RIC8B: variants seen among roughly 807,000 people sequenced by gnomAD.
The protein encoded by RIC8B is RIC8 guanine nucleotide exchange factor B.
RIC8B carries 16 observed loss-of-function variants against 57.5 expected under a neutral mutation model. The ratio of observed to expected loss-of-function variants is 0.28; its 90% CI spans 0.19 to 0.42. The LOEUF (loss-of-function observed/expected upper bound fraction) is 0.42, where lower values mean the gene tolerates loss of function less well. Ranked by LOEUF, RIC8B falls within the 10% of genes least tolerant of loss-of-function variation. RIC8B has a pLI of 1.00. For synonymous variants in RIC8B, 216 were observed against 250.8 expected, an observed-to-expected ratio of 0.86 and a Z score of 1.31; for missense variants, 481 against 677.0, an observed-to-expected ratio of 0.71 and a Z score of 3.21.
chr12:106,809,673 T>G (rs1430624210), intron 2 of RIC8B, among the ~76,000 whole-genome samples: 1 of 150,318 alleles, frequency 6.7e-6, no homozygotes, highest in Non-Finnish European at 1.5e-5. Context: ...ACCTGAAATC[T>G]CCAAAATTTG....
At chr12:106,831,553 A>T (rs10778511) in intron 4 of RIC8B, among the ~76,000 whole-genome samples, 36,020 of 152,038 alleles carry the variant, frequency 0.24, 4,285 homozygotes, top group East Asian at 0.32. Context: ...GCCTGGCAAC[A>T]TGGTGTAGGG....
chr12:106,830,719 A>C (rs2046318010), intron 4 of RIC8B, among the ~76,000 whole-genome samples: 2 of 152,194 alleles, frequency 1.3e-5, no homozygotes, highest in South Asian at 4.1e-4. Context: ...TGGAGACTAA[A>C]TTCCCAGACT....
At chr12:106,795,355 C>T (rs750657803) in intron 2 of RIC8B, among the ~76,000 whole-genome samples, 1 of 151,910 alleles carries the variant, frequency 6.6e-6, no homozygotes, top group Non-Finnish European at 1.5e-5. Context: ...AGTTTAGGAG[C>T]GGAGGTCTAA....
intron 2 of RIC8B, among the ~76,000 whole-genome samples, chr12:106,793,152 C>T (rs558367175): frequency 2.6e-5 from 4 of 152,242 alleles, no homozygotes; most frequent in Admixed American, 6.5e-5. Flanking sequence ...ATCCTGGTGG[C>T]GGAACATGGT....
chr12:106,812,812 T>C (rs2045396041), intron 2 of RIC8B, among the ~76,000 whole-genome samples: 1 of 152,222 alleles, frequency 6.6e-6, no homozygotes, highest in Non-Finnish European at 1.5e-5. Context: ...AAAAAAGTGC[T>C]TTAACAATGA....
chr12:106,883,270 TCTC>T (rs1176483133), intron 9 of RIC8B, among the ~76,000 whole-genome samples: 1 of 152,154 alleles, frequency 6.6e-6, no homozygotes, highest in Non-Finnish European at 1.5e-5. Flanking sequence ...TTCTCCCTCT[TCTC>T]CTTTTGCTTC....
intron 4 of RIC8B, among the ~76,000 whole-genome samples, chr12:106,827,042 T>C (rs1439698956): frequency 6.6e-6 from 1 of 152,122 alleles, no homozygotes; most frequent in East Asian, 1.9e-4. Flanking sequence ...GCCACTGTAC[T>C]CCAGCCTGGG....
intron 8 of RIC8B, among the ~76,000 whole-genome samples, chr12:106,869,912 G>A (rs143604235): frequency 5.9e-5 from 9 of 152,298 alleles, no homozygotes; most frequent in Admixed American, 4.6e-4. Context: ...GCACTCCAAC[G>A]TGGGTGACAG....
At chr12:106,835,698 A>T (rs994646894) in intron 4 of RIC8B, among the ~76,000 whole-genome samples, 1 of 152,218 alleles carries the variant, frequency 6.6e-6, no homozygotes, top group African/African-American at 2.4e-5. Context: ...AGCAAATATT[A>T]TATTTGTTGA....
Position 106,884,177 on chromosome 12 carries a change from C to T in RIC8B, c.1572-1727C>T, listed in dbSNP as rs76051144. ...GTCAGTGCTTCATCTCAGGAGCTGC[C>T]TCACTTCTTTGTTCATAATTCTCTT... On this transcript the variant is annotated intron_variant, in intron 9 of 9. Coordinates refer to ENST00000392837, the MANE Select transcript of RIC8B (RefSeq NM_001330145.2). 3.6e-3 allele frequency among the ~76,000 whole-genome samples: 541 copies of T among 152,358 alleles called. 4 individuals are homozygous for T. The highest frequency in any genetic ancestry group is 0.013 in the African/African-American group (522 of 41,574).
Position 106,814,876 on chromosome 12 carries a change from T to A in RIC8B, c.313T>A (p.Leu105Met). 6.2e-7 allele frequency: 1 copy of A among 1,614,182 alleles called. No homozygotes were observed. Among genetic ancestry groups the A allele is most frequent in the Non-Finnish European group, 8.5e-7 (1 of 1,180,008 alleles). Reference sequence around the variant, plus strand: ...CAAGCTAAATGAGTTAGATGATTCTTTGGAGAAAGTATCAGAGTTCCCAGT... The same window carrying A: ...CAAGCTAAATGAGTTAGATGATTCTATGGAGAAAGTATCAGAGTTCCCAGT... Reference protein sequence around the residue: ...LAKLNELDDSLEKVSEFPVIV... With the variant: ...LAKLNELDDSMEKVSEFPVIV... The change falls in exon 3 of 10, where the codon TTG (leucine) becomes ATG (methionine). Residue 105 changes from leucine (L) to methionine (M), a missense_variant. Leu to Met is a conservative substitution (Grantham distance 15). Around this residue, in one of 3 missense-constraint regions of RIC8B, gnomAD observed 421 missense variants for 560.9 expected, o/e 0.75. Coordinates refer to ENST00000392837, the MANE Select transcript of RIC8B (RefSeq NM_001330145.2).
At chr12:106,870,255 G>A (rs1275089842) in intron 8 of RIC8B, among the ~76,000 whole-genome samples, 3 of 151,774 alleles carry the variant, frequency 2.0e-5, no homozygotes, top group Non-Finnish European at 4.4e-5. Flanking sequence ...TTTTGTCTAG[G>A]CCAGATCAAA....
chr12:106,886,251 T>A lies in RIC8B; in HGVS notation c.*236T>A, dbSNP rs1294300136. 2 of 431,076 alleles carry A rather than the reference T, an allele frequency of 4.6e-6. No individual in the cohort carries two copies. Among genetic ancestry groups the A allele is most frequent in the East Asian group, 3.8e-5 (1 of 26,546 alleles). The allele number at this position is 431,076 out of a possible 1,614,324, so 26.7% of individuals were successfully genotyped here. A position where few individuals can be genotyped will look rare whatever the true frequency, so the allele number is the denominator to read the frequency against. ...ACGGGGGCTAAAAGCAGAAAAAAAA[T>A]TCCATTTCATCGGGATGGAACTGAA... On this transcript the variant is annotated 3_prime_UTR_variant, in exon 10 of 10. Coordinates refer to ENST00000392837, the MANE Select transcript of RIC8B (RefSeq NM_001330145.2).
At chr12:106,796,608 AAATCTTCAT>A (rs2136213749) in intron 2 of RIC8B, among the ~76,000 whole-genome samples, 1 of 152,370 alleles carries the variant, frequency 6.6e-6, no homozygotes, top group African/African-American at 2.4e-5. Flanking sequence ...ACATAAAGGT[AAATCTTCAT>A]GTCCCTGGAT....
chr12:106,873,374 C>T (rs1326077991), intron 9 of RIC8B, among the ~76,000 whole-genome samples: 1 of 152,144 alleles, frequency 6.6e-6, no homozygotes, highest in African/African-American at 2.4e-5. Context: ...TCACTAAATA[C>T]AATCAATGAC....
intron 4 of RIC8B, among the ~76,000 whole-genome samples, chr12:106,831,519 T>C (rs1029658339): frequency 6.6e-6 from 1 of 152,186 alleles, no homozygotes; most frequent in Non-Finnish European, 1.5e-5. Context: ...TTTTACTTAG[T>C]TTTTATTATG....
intron 4 of RIC8B, among the ~76,000 whole-genome samples, chr12:106,828,441 A>T (rs578059186): frequency 6.6e-6 from 1 of 152,218 alleles, no homozygotes; most frequent in Admixed American, 6.5e-5. Flanking sequence ...AAATTTTTTT[A>T]AAGGATTTCA....
chr12:106,798,835 T>C (rs1467576625), intron 2 of RIC8B, among the ~76,000 whole-genome samples: 1 of 152,220 alleles, frequency 6.6e-6, no homozygotes, highest in African/African-American at 2.4e-5. Flanking sequence ...AAATTTCTTA[T>C]AGTTCATTCC....
intron 2 of RIC8B, among the ~76,000 whole-genome samples, chr12:106,785,371 A>G (rs750061731): frequency 5.9e-5 from 9 of 152,108 alleles, no homozygotes; most frequent in Non-Finnish European, 1.0e-4. Context: ...TCCTTCAGCA[A>G]GCCTCCTCTG....
Sources: gnomAD v4.1 joint callset for allele counts (sites outside exome capture counted in the v4.1 genomes callset) on GRCh38, gnomAD v4.1.1 for gene constraint, gnomAD v4.1.1 regional missense constraint, MANE v1.5 for transcripts, NCBI Gene and HGNC (gene_info 2026-07-23, HGNC 2026-07-21) for gene names.